The following EVC variants were observed in gnomAD, a reference collection of about 807,000 sequenced individuals.
EVC encodes the protein EvC ciliary complex subunit 1, also known as evC complex member EVC.
EVC carries 116 observed loss-of-function variants against 118.9 expected under a neutral mutation model. The observed-to-expected ratio is 0.98, with a 90% CI of 0.84 to 1.14. The LOEUF (loss-of-function observed/expected upper bound fraction) is 1.14. EVC is among the 50% of genes most tolerant of loss of function. The pLI is 0.00. For missense variants in EVC, 1,401 were observed against 1,246.4 expected, an observed-to-expected ratio of 1.12 and a Z score of -1.87; for synonymous variants, 619 against 534.7, an observed-to-expected ratio of 1.16 and a Z score of -2.18.
intron 11 of EVC, among the ~76,000 whole-genome samples, chr4:5,765,540 G>A (rs28855706): frequency 0.45 from 52,873 of 116,326 alleles, 11,399 homozygotes; most frequent in Admixed American, 0.53. Flanking sequence ...GGGAGTCTAT[G>A]TCTCTTTGGA....
intron 11 of EVC, among the ~76,000 whole-genome samples, chr4:5,779,603 G>A (rs35629738): frequency 0.34 from 24,871 of 72,364 alleles, 4,562 homozygotes; most frequent in Middle Eastern, 0.57. Flanking sequence ...CTTTGAAGCA[G>A]TTGTGAATGG....
At chr4:5,751,294 C>CA (rs1359324348) in intron 8 of EVC, among the ~76,000 whole-genome samples, 11 of 152,206 alleles carry the variant, frequency 7.2e-5, no homozygotes, top group Non-Finnish European at 1.3e-4. Context: ...ATCAGGGCCC[C>CA]CTTCCCCCAT....
rs575589201 is a variant in EVC, at chr4:5,745,236, C to G, written c.834C>G (p.Val278=). 1.2e-6 allele frequency: 2 copies of G among 1,613,834 alleles called. No homozygotes were observed. The highest frequency in any genetic ancestry group is 1.1e-5 in the South Asian group (1 of 91,062). Residue 278 remains valine (V), a synonymous_variant, in exon 7 of 21, where the codon GTC becomes GTG. Transcript: ENST00000264956. ...DLEELEKGLQ[V]KLSNTEMSGA... is the part of the protein sequence containing the mutation. The stretch of plus-strand genomic sequence containing the variant: ...AGGAACTAGAAAAGGGACTTCAGGT[C>G]AAACTGTCAAACACAGAAATGTCGG...
chr4:5,785,396 A>G (rs937857457), intron 12 of EVC, among the ~76,000 whole-genome samples: 3 of 151,748 alleles, frequency 2.0e-5, no homozygotes, highest in African/African-American at 7.3e-5. Flanking sequence ...TGGGTTTGCG[A>G]TTAGTTACAA....
intron 15 of EVC, among the ~76,000 whole-genome samples, chr4:5,800,556 T>C (rs1251651004): frequency 6.6e-6 from 1 of 151,706 alleles, no homozygotes; most frequent in African/African-American, 2.4e-5. Flanking sequence ...GAGAGGTGGG[T>C]GCAGAGTGGG....
At position 5,729,379 on chromosome 4, in the gene EVC, C is replaced by G; in HGVS notation, c.373C>G (p.Gln125Glu). Residue 125 changes from glutamine (Q) to glutamate (E), a missense_variant, in exon 3 of 21, where the codon CAG becomes GAG. Coordinates refer to ENST00000264956, the MANE Select transcript of EVC (RefSeq NM_153717.3). ...GGCCAAAGTCATCTACCCCATCAAT[C>G]AGAAGTTCCGGGTGAGAGTCCTGAG... Reference protein sequence around the residue: ...LKAKVIYPINQKFRPLADGSS... With the variant: ...LKAKVIYPINEKFRPLADGSS... 6.2e-7 allele frequency: 1 copy of G among 1,614,112 alleles called. No homozygotes were observed. The highest frequency in any genetic ancestry group is 1.3e-5 in the African/African-American group (1 of 75,044).
At position 5,729,345 on chromosome 4, in the gene EVC, C is replaced by T. The variant is rs750461424; in HGVS notation, c.339C>T (p.Phe113=). The T allele has an allele frequency of 1.5e-5, 25 of 1,613,982 alleles. No individual in the cohort carries two copies. The East Asian group carries it at 3.3e-4, about 22-fold the overall frequency. ...EPPSNSNITA[F]ALKAKVIYPI... ...CTTCCAACAGCAATATCACAGCATT[C>T]GCCCTGAAGGCCAAAGTCATCTACC... Residue 113 remains phenylalanine (F), a synonymous_variant, in exon 3 of 21, where the codon TTC becomes TTT. Coordinates refer to ENST00000264956, the MANE Select transcript of EVC (RefSeq NM_153717.3).
intron 12 of EVC, among the ~76,000 whole-genome samples, chr4:5,791,370 GGAGT>G (rs1320026754): frequency 7.2e-5 from 11 of 152,216 alleles, no homozygotes; most frequent in African/African-American, 2.6e-4. Context: ...GAGAACAGAG[GGAGT>G]GAGAGGGAAA....
At chr4:5,732,460 C>T (rs769048811) in intron 4 of EVC, among the ~76,000 whole-genome samples, 2 of 152,226 alleles carry the variant, frequency 1.3e-5, no homozygotes, top group African/African-American at 4.8e-5. Flanking sequence ...CTTAGAACGG[C>T]TTGCTTTCAG....
chr4:5,815,980 GGAA>G (rs1388352331), downstream of EVC, among the ~76,000 whole-genome samples: 1 of 151,990 alleles, frequency 6.6e-6, no homozygotes, highest in African/African-American at 2.4e-5. Context: ...GGATTGGAAA[GGAA>G]GGAGGGAGGG....
chr4:5,794,267 ATTTATATATATT>A (rs1560419474), intron 13 of EVC, among the ~76,000 whole-genome samples: 3 of 139,440 alleles, frequency 2.2e-5, no homozygotes, highest in East Asian at 2.0e-4. Flanking sequence ...GTATTTATAT[ATTTATATATATT>A]TATATATATT....
chr4:5,722,452 T>A (rs893249545), intron 2 of EVC, among the ~76,000 whole-genome samples: 1 of 152,218 alleles, frequency 6.6e-6, no homozygotes. Flanking sequence ...TGTCAAAATA[T>A]GTGGTCAGGG....
chr4:5,793,817 T>G, intron 13 of EVC, 100 bp downstream of exon 13: 1 of 874,284 alleles, frequency 1.1e-6, no homozygotes, highest in East Asian at 2.7e-5. Context: ...TGACTGCCCC[T>G]CAGCTTCCTT....
At chr4:5,806,012 A>C (rs1005380775) in intron 17 of EVC, among the ~76,000 whole-genome samples, 2 of 148,360 alleles carry the variant, frequency 1.3e-5, no homozygotes, top group African/African-American at 5.0e-5. Context: ...TTTACCCATT[A>C]ATTTCTCATC....
intron 13 of EVC, among the ~76,000 whole-genome samples, chr4:5,794,488 C>G (rs11721830): frequency 0.27 from 41,205 of 150,236 alleles, 6,730 homozygotes; most frequent in South Asian, 0.54. Flanking sequence ...CTCACTGCAA[C>G]TTCCCTCTGC....
At position 5,745,259 on chromosome 4, in the gene EVC, C is replaced by G. The variant is rs139263450; in HGVS notation, c.857C>G (p.Ser286Trp). The change falls in exon 7 of 21, where the codon TCG (serine) becomes TGG (tryptophan). Residue 286 changes from serine to tryptophan, a missense_variant. Physicochemically the swap from Ser to Trp is radical, Grantham distance 177 (BLOSUM62 -3). Transcript: ENST00000264956. ...LQVKLSNTEMSGAGDSEYITL... is the reference protein window; with the variant it reads ...LQVKLSNTEMWGAGDSEYITL... ...GTCAAACTGTCAAACACAGAAATGTCGGGGGCTGGTGACTCTGAGTACATC... is the reference window on the plus strand; with the variant it reads ...GTCAAACTGTCAAACACAGAAATGTGGGGGGCTGGTGACTCTGAGTACATC... The G allele has an allele frequency of 1.5e-5, 25 of 1,613,782 alleles. No homozygotes were observed. The Admixed American group carries it at 2.7e-4, about 17-fold the overall frequency.
At chr4:5,794,497 G>A (rs1325676392) in intron 13 of EVC, among the ~76,000 whole-genome samples, 1 of 150,348 alleles carries the variant, frequency 6.7e-6, no homozygotes, top group Non-Finnish European at 1.5e-5. Flanking sequence ...ACTTCCCTCT[G>A]CCTCCCGGGT....
At chr4:5,824,765 C>A in the EVC span, 1 of 984,604 alleles carries the variant, frequency 1.0e-6, no homozygotes, top group Non-Finnish European at 1.2e-6. Flanking sequence ...GTACCCAGCA[C>A]GGTGTGCAAC....
Position 5,797,130 on chromosome 4 carries a change from G to C in EVC, c.1995G>C (p.Ser665=). ...CCACCCTGACGCAGATGCGGCTATCGGGGAAGAAGCACCTCCTGCAGGAGC... is the reference window on the plus strand; with the variant it reads ...CCACCCTGACGCAGATGCGGCTATCCGGGAAGAAGCACCTCCTGCAGGAGC... ...ALATLTQMRL[S]GKKHLLQELR... Residue 665 remains serine, a synonymous_variant, in exon 14 of 21, where the codon TCG becomes TCC. Transcript: ENST00000264956. 1.2e-6 allele frequency: 2 copies of C among 1,613,624 alleles called. No individual in the cohort carries two copies. The highest frequency in any genetic ancestry group is 1.7e-6 in the Non-Finnish European group (2 of 1,180,018).
Sources: allele counts gnomAD v4.1 joint callset (sites outside exome capture counted in the v4.1 genomes callset), GRCh38; gene constraint gnomAD v4.1.1; transcripts MANE v1.5; gene names NCBI Gene and HGNC (gene_info 2026-07-23, HGNC 2026-07-21).